The following IRAK1BP1 variants were observed in gnomAD, a reference collection of about 807,000 sequenced individuals.
The protein encoded by IRAK1BP1 is interleukin 1 receptor associated kinase 1 binding protein 1, also known as interleukin-1 receptor-associated kinase 1-binding protein 1.
Under a neutral mutation model 28.0 loss-of-function variants are expected in IRAK1BP1, and 24 were observed. That is an observed-to-expected ratio of 0.86 (90% CI 0.62 to 1.20). The LOEUF is 1.20. IRAK1BP1 is among the 50% of genes most tolerant of loss of function. The probability of loss-of-function intolerance (pLI) is 0.00; values close to 1 mark genes in which losing one functional copy is unlikely to be tolerated. For missense variants in IRAK1BP1, 336 were observed against 316.7 expected, an observed-to-expected ratio of 1.06 and a Z score of -0.46; for synonymous variants, 131 against 116.3, an observed-to-expected ratio of 1.13 and a Z score of -0.81.
downstream of IRAK1BP1, among the ~76,000 whole-genome samples, chr6:78,904,127 A>G (rs533057056): frequency 6.6e-6 from 1 of 152,344 alleles, no homozygotes; most frequent in South Asian, 2.1e-4. Flanking sequence ...AGGGATGGGA[A>G]ATGCAGGACA....
the IRAK1BP1 span, among the ~76,000 whole-genome samples, chr6:78,971,966 T>G: frequency 6.6e-6 from 1 of 152,126 alleles, no homozygotes; most frequent in Non-Finnish European, 1.5e-5. Flanking sequence ...CGCCCACCAT[T>G]GCCCAGGCTT....
chr6:78,959,785 C>A, the IRAK1BP1 span, among the ~76,000 whole-genome samples: 5 of 152,068 alleles, frequency 3.3e-5, no homozygotes, highest in African/African-American at 1.2e-4. Context: ...TATAATGTAT[C>A]TTGAAATACA....
chr6:78,950,468 A>G (rs1229599728), downstream of IRAK1BP1, among the ~76,000 whole-genome samples: 3 of 152,220 alleles, frequency 2.0e-5, no homozygotes, highest in Non-Finnish European at 4.4e-5. Context: ...GAAGCCATCC[A>G]GGACTAGACA....
At chr6:78,933,520 C>A (rs1339807497) in intron 4 of IRAK1BP1, among the ~76,000 whole-genome samples, 1 of 152,132 alleles carries the variant, frequency 6.6e-6, no homozygotes, top group African/African-American at 2.4e-5. Context: ...GAGGCTGAGG[C>A]AGGAGAATCG....
At chr6:78,908,030 TTTTATTTATTTA>T (rs528275854), downstream of IRAK1BP1, among the ~76,000 whole-genome samples, 13 of 147,800 alleles carry the variant, frequency 8.8e-5, no homozygotes, top group Non-Finnish European at 1.5e-4. Flanking sequence ...TTATTTTTTA[TTTTATTTATTTA>T]TTTATTTATT....
exon 5 of IRAK1BP1, chr6:78,946,305 G>A (rs745414710): frequency 1.3e-6 from 2 of 1,540,282 alleles, no homozygotes; most frequent in Non-Finnish European, 1.8e-6. Context: ...AGCTCTATGT[G>A]AACGAATAAA....
In IRAK1BP1 at chr6:78,945,995, TCTTA is replaced by T. The variant is rs2127682146; in HGVS notation, c.*659_*662del. ...TATACATTTCAATTTAGAAAGTGAG[TCTTA>T]CTTGTTTTCCCTGGTATTGCAGATG... is the stretch of plus-strand genomic sequence containing the variant. On this transcript the variant is annotated 3_prime_UTR_variant and NMD_transcript_variant, in exon 5 of 5. Transcript: ENST00000606868. 5 of 1,593,572 alleles carry T rather than the reference TCTTA, an allele frequency of 3.1e-6. No homozygotes were observed. The highest frequency in any genetic ancestry group is 4.3e-6 in the Non-Finnish European group (5 of 1,162,290).
At chr6:78,927,007 T>C (rs1772907203) in intron 4 of IRAK1BP1, among the ~76,000 whole-genome samples, 1 of 152,198 alleles carries the variant, frequency 6.6e-6, no homozygotes, top group Non-Finnish European at 1.5e-5. Flanking sequence ...ACAATAAACA[T>C]GGAAGTTCAG....
chr6:78,925,267 A>G (rs1458974997), intron 4 of IRAK1BP1, among the ~76,000 whole-genome samples: 4 of 152,122 alleles, frequency 2.6e-5, no homozygotes, highest in African/African-American at 7.2e-5. Flanking sequence ...ACATGTATAC[A>G]TATGTAACAA....
At position 78,893,314 on chromosome 6, in the gene IRAK1BP1, G is replaced by GTATATATATATA. The variant is rs60728695; in HGVS notation, c.382-4491_382-4480dup. On this transcript the variant is annotated intron_variant, in intron 2 of 3. Coordinates refer to ENST00000369940, the MANE Select transcript of IRAK1BP1 (RefSeq NM_001010844.4). ...TATATGTGTGTGTGTGTGTGTGTGT[G>GTATATATATATA]TATATATATATATATATATATATAT... Among the ~76,000 whole-genome samples the GTATATATATATA allele has an allele frequency of 8.2e-3, 846 of 103,184 alleles. 20 individuals are homozygous for GTATATATATATA. Among genetic ancestry groups the GTATATATATATA allele is most frequent in the East Asian group, 0.015 (33 of 2,176 alleles). The allele number at this position is 103,184 out of a possible 152,430, so 67.7% of individuals were successfully genotyped here.
chr6:78,876,087 C>A (rs1299589034), intron 1 of IRAK1BP1, among the ~76,000 whole-genome samples: 2 of 152,046 alleles, frequency 1.3e-5, no homozygotes, highest in Non-Finnish European at 2.9e-5. Context: ...GAATTGTAAT[C>A]CCTATGTGTC....
At chr6:78,874,117 A>G (rs1480696215) in intron 1 of IRAK1BP1, among the ~76,000 whole-genome samples, 2 of 152,256 alleles carry the variant, frequency 1.3e-5, no homozygotes, top group East Asian at 3.8e-4. Context: ...TAGCTTAAAA[A>G]GAAAAACAAT....
chr6:78,879,595 A>T (rs1771147332), intron 1 of IRAK1BP1, among the ~76,000 whole-genome samples: 1 of 152,208 alleles, frequency 6.6e-6, no homozygotes, highest in African/African-American at 2.4e-5. Context: ...AGCATGTAGC[A>T]TCTGTTGCCT....
rs115363395 is a variant in IRAK1BP1 at position 78,934,184 on chromosome 6, T to A, written c.*68-11224T>A. 6.3e-3 allele frequency among the ~76,000 whole-genome samples: 965 copies of A among 152,314 alleles called. 19 individuals carry two copies. The highest frequency in any genetic ancestry group is 0.022 in the African/African-American group (909 of 41,570). Reference sequence around the variant, plus strand: ...ACACACAGAACATGTATTAACTATCTTATATGGGTGTGGTTTGTGGCACCT... The same window carrying A: ...ACACACAGAACATGTATTAACTATCATATATGGGTGTGGTTTGTGGCACCT... On this transcript the variant is annotated intron_variant and NMD_transcript_variant, in intron 4 of 4. Transcript: ENST00000606868.
chr6:78,961,681 G>T, the IRAK1BP1 span: 1 of 1,609,992 alleles, frequency 6.2e-7, no homozygotes, highest in South Asian at 1.1e-5. Context: ...TACATCAAAT[G>T]GTTCTAACCT....
intron 4 of IRAK1BP1, among the ~76,000 whole-genome samples, chr6:78,926,918 T>C (rs895369694): frequency 6.6e-6 from 1 of 152,172 alleles, no homozygotes; most frequent in Admixed American, 6.5e-5. Flanking sequence ...ATTGTGTATA[T>C]GTACCACATT....
the IRAK1BP1 span, chr6:78,970,284 G>T: frequency 1.2e-6 from 1 of 840,888 alleles, no homozygotes; most frequent in Non-Finnish European, 1.9e-6. Context: ...TCTGGATGGT[G>T]ATGACTGTGT....
At chr6:78,870,347 T>C (rs576232314) in intron 1 of IRAK1BP1, among the ~76,000 whole-genome samples, 2 of 152,240 alleles carry the variant, frequency 1.3e-5, no homozygotes, top group South Asian at 2.1e-4. Context: ...TCACTCCCTA[T>C]ACTTGTAATA....
intron 4 of IRAK1BP1, among the ~76,000 whole-genome samples, chr6:78,927,146 C>T (rs1772911420): frequency 6.6e-6 from 1 of 152,124 alleles, no homozygotes; most frequent in African/African-American, 2.4e-5. Context: ...AGTGGTTATA[C>T]TAATTTACAT....
Sources: allele counts gnomAD v4.1 joint callset (sites outside exome capture counted in the v4.1 genomes callset), GRCh38; gene constraint gnomAD v4.1.1; transcripts MANE v1.5; gene names NCBI Gene and HGNC (gene_info 2026-07-23, HGNC 2026-07-21).